The following NBEA variants were observed in gnomAD, a reference collection of about 807,000 sequenced individuals.
NBEA encodes lysosomal-trafficking regulator 2.
A neutral mutation model predicts 343.4 loss-of-function variants in NBEA; 44 were observed. The ratio of observed to expected loss-of-function variants is 0.13; its 90% CI spans 0.10 to 0.16. The LOEUF (loss-of-function observed/expected upper bound fraction) is 0.16, where lower values mean the gene tolerates loss of function less well. Ranked by LOEUF, NBEA falls within the 10% of genes least tolerant of loss-of-function variation. NBEA has a pLI of 1.00. For synonymous variants in NBEA, 1,175 were observed against 1,238.7 expected (o/e 0.95, Z 1.08); for missense variants, 2,555 against 3,631.3 (o/e 0.70, Z 7.62).
rs1160528668 is a variant in NBEA at position 35,472,428 on chromosome 13, G to C, written c.6477G>C (p.Gln2159His). Residue 2159 changes from glutamine (Q) to histidine (H), a missense_variant, in exon 41 of 59, where the codon CAG (glutamine) becomes CAC (histidine). By Grantham distance (24) the Gln-to-His change is conservative. This residue lies in a region of NBEA where 246 missense variants were observed against 313.7 expected (regional missense o/e 0.78). Transcript: ENST00000379939. ...AGPVVLSTPA[Q>H]LIAPVVVAKG... ...CAGTGGTTCTCAGCACCCCTGCCCA[G>C]CTCATCGCTCCCGTGGTGGTGGCCA... is the stretch of plus-strand genomic sequence containing the variant. The C allele has an allele frequency of 1.2e-6, 2 of 1,613,766 alleles. No individual in the cohort carries two copies. Among genetic ancestry groups the C allele is most frequent in the Non-Finnish European group, 1.7e-6 (2 of 1,179,894 alleles).
chr13:34,973,849 G>A (rs370294052), intron 1 of NBEA, among the ~76,000 whole-genome samples: 1 of 152,166 alleles, frequency 6.6e-6, no homozygotes, highest in Non-Finnish European at 1.5e-5. Context: ...ATGTACGGAA[G>A]TCCAACCTCC....
intron 38 of NBEA, among the ~76,000 whole-genome samples, chr13:35,378,531 G>A (rs568169407): frequency 6.6e-6 from 1 of 151,796 alleles, no homozygotes; most frequent in Non-Finnish European, 1.5e-5. Context: ...TTAGGTCTTG[G>A]GTAAGTGTTA....
At chr13:35,290,817 A>G (rs866003256) in intron 35 of NBEA, among the ~76,000 whole-genome samples, 33 of 151,502 alleles carry the variant, frequency 2.2e-4, no homozygotes, top group African/African-American at 7.2e-4. Flanking sequence ...TATATTTGAG[A>G]TAATGAAAAG....
At chr13:35,142,924 T>C (rs1442951053) in intron 18 of NBEA, among the ~76,000 whole-genome samples, 3 of 152,162 alleles carry the variant, frequency 2.0e-5, no homozygotes, top group Non-Finnish European at 4.4e-5. Flanking sequence ...AGGAAATAGG[T>C]ATACTACCTC....
At chr13:35,118,043 T>C (rs554360088) in intron 14 of NBEA, among the ~76,000 whole-genome samples, 185 bp from the exon 15 acceptor site, 28 of 152,104 alleles carry the variant, frequency 1.8e-4, no homozygotes, top group African/African-American at 6.7e-4. Flanking sequence ...TGATATAATT[T>C]TCTAAATATT....
chr13:34,974,993 A>T (rs946830312), intron 1 of NBEA, among the ~76,000 whole-genome samples: 3 of 152,212 alleles, frequency 2.0e-5, no homozygotes, highest in African/African-American at 7.2e-5. Flanking sequence ...CATGAGGCTA[A>T]GCATGTAGTC....
chr13:35,428,179 C>T (rs9544330), intron 38 of NBEA, among the ~76,000 whole-genome samples: 20,115 of 152,124 alleles, frequency 0.13, 1,435 homozygotes, highest in East Asian at 0.25. Flanking sequence ...GAGATGAAGC[C>T]GGTACCTCAG....
At chr13:35,518,429 G>A (rs562710691) in intron 41 of NBEA, among the ~76,000 whole-genome samples, 5 of 152,244 alleles carry the variant, frequency 3.3e-5, no homozygotes, top group South Asian at 2.1e-4. Context: ...TGGCAGAGCC[G>A]GAAATGGAAT....
At chr13:35,611,379 C>A (rs1488380696) in intron 48 of NBEA, among the ~76,000 whole-genome samples, 1 of 152,170 alleles carries the variant, frequency 6.6e-6, no homozygotes, top group African/African-American at 2.4e-5. Context: ...AGCACTGATA[C>A]ATGTAACAAA....
At chr13:35,586,592 T>G (rs900670601) in intron 46 of NBEA, among the ~76,000 whole-genome samples, 6 of 152,238 alleles carry the variant, frequency 3.9e-5, no homozygotes, top group Admixed American at 3.9e-4. Context: ...TGAACTTGGA[T>G]TCTTTTATAA....
chr13:35,010,414 C>T (rs1178801929), intron 1 of NBEA, among the ~76,000 whole-genome samples: 1 of 151,422 alleles, frequency 6.6e-6, no homozygotes, highest in African/African-American at 2.4e-5. Context: ...CTCATTTCTA[C>T]AAAAAGCGAA....
intron 39 of NBEA, among the ~76,000 whole-genome samples, chr13:35,451,111 G>A (rs375455485): frequency 6.6e-6 from 1 of 151,988 alleles, no homozygotes; most frequent in East Asian, 1.9e-4. Context: ...TTTTGGTTTT[G>A]GCTTTTTGTG....
chr13:35,441,834 A>G (rs1379278519), intron 39 of NBEA, among the ~76,000 whole-genome samples: 2 of 150,350 alleles, frequency 1.3e-5, no homozygotes, highest in East Asian at 3.9e-4. Flanking sequence ...TAGATGTGAA[A>G]AAAAAAAAAA....
At chr13:35,154,484 C>T (rs1383623572) in intron 18 of NBEA, among the ~76,000 whole-genome samples, 2 of 152,132 alleles carry the variant, frequency 1.3e-5, no homozygotes, top group African/African-American at 2.4e-5. Flanking sequence ...AATATAACCT[C>T]ATAGGGTTTA....
chr13:35,619,601 G>A (rs769202332), intron 48 of NBEA, among the ~76,000 whole-genome samples: 56 of 152,254 alleles, frequency 3.7e-4, no homozygotes, highest in Non-Finnish European at 6.3e-4. Context: ...TGGGCCAGAG[G>A]GGGCTCAGAT....
intron 38 of NBEA, among the ~76,000 whole-genome samples, chr13:35,421,492 A>ATT (rs1416190430): frequency 6.6e-6 from 1 of 152,074 alleles, no homozygotes; most frequent in Non-Finnish European, 1.5e-5. Flanking sequence ...GTTATCTTAA[A>ATT]TATTACCAGT....
chr13:35,618,366 G>A (rs1056670993), intron 48 of NBEA, among the ~76,000 whole-genome samples: 6 of 152,122 alleles, frequency 3.9e-5, no homozygotes, highest in African/African-American at 1.4e-4. Context: ...TGAACAGCAG[G>A]TATTTGATGC....
intron 1 of NBEA, among the ~76,000 whole-genome samples, chr13:34,974,461 A>G (rs2060100122): frequency 6.6e-6 from 1 of 152,192 alleles, no homozygotes; most frequent in Non-Finnish European, 1.5e-5. Flanking sequence ...GAGGTTTCAA[A>G]TGGTCACAAA....
Position 35,649,701 on chromosome 13 carries a change from A to C in NBEA, c.7817A>C (p.Gln2606Pro). 1 of 1,613,986 alleles carries C rather than the reference A, an allele frequency of 6.2e-7. No homozygotes were observed. Among genetic ancestry groups the C allele is most frequent in the East Asian group, 2.2e-5 (1 of 44,878 alleles). The change falls in exon 52 of 59, where the codon CAG becomes CCG. Residue 2606 changes from glutamine to proline, a missense_variant. Physicochemically the swap from Gln to Pro is moderately conservative, Grantham distance 76. Transcript: ENST00000379939. The stretch of plus-strand genomic sequence containing the variant: ...CTCATGTTTAAAGATCAGATGCAAC[A>C]GGATGTGATAATGGTGCTGAAGTTT... ...SPLMFKDQMQ[Q>P]DVIMVLKFPS... is the part of the protein sequence containing the mutation.
Sources: gnomAD v4.1 joint callset for allele counts (sites outside exome capture counted in the v4.1 genomes callset) on GRCh38, gnomAD v4.1.1 for gene constraint, gnomAD v4.1.1 regional missense constraint, MANE v1.5 for transcripts, NCBI Gene and HGNC (gene_info 2026-07-23, HGNC 2026-07-21) for gene names.